Variants in JAKMIP1 observed in about 807,000 individuals in gnomAD.
JAKMIP1 encodes janus kinase and microtubule-interacting protein 1.
In JAKMIP1, 33 loss-of-function variants were observed where a neutral mutation model predicts 113.0. That is an observed-to-expected ratio of 0.29 (90% confidence interval 0.22 to 0.39). JAKMIP1 has a LOEUF of 0.39. JAKMIP1 is among the 10% of genes least tolerant of loss of function. The probability of loss-of-function intolerance (pLI) is 1.00; values close to 1 mark genes in which losing one functional copy is unlikely to be tolerated. For synonymous variants in JAKMIP1, 480 were observed against 459.9 expected (o/e 1.04, Z -0.56); for missense variants, 813 against 1,080.5 (o/e 0.75, Z 3.47).
intron 19 of JAKMIP1, among the ~76,000 whole-genome samples, chr4:6,035,418 G>C (rs1437180326): frequency 6.6e-6 from 1 of 152,100 alleles, no homozygotes; most frequent in Non-Finnish European, 1.5e-5. Flanking sequence ...TCAATCAGGA[G>C]TCATGAAGCC....
Position 6,112,966 on chromosome 4 carries a change from G to A in JAKMIP1, c.-116C>T, listed in dbSNP as rs561791375. 9.2e-5 allele frequency: 126 copies of A among 1,376,596 alleles called. No individual in the cohort carries two copies. Among genetic ancestry groups the A allele is most frequent in the African/African-American group, 1.2e-4 (8 of 68,548 alleles). The allele number at this position is 1,376,596 out of a possible 1,614,324, so 85.3% of individuals were successfully genotyped here. On this transcript the variant is annotated 5_prime_UTR_variant, in exon 2 of 21. Transcript: ENST00000409021. ...TAACCAGTCGCGCAGGACTCAGCTC[G>A]CCCTCCGAGGAAACCACCATCACTT...
chr4:6,148,461 T>C (rs1721132910), intron 1 of JAKMIP1, among the ~76,000 whole-genome samples: 1 of 152,258 alleles, frequency 6.6e-6, no homozygotes, highest in Non-Finnish European at 1.5e-5. Context: ...CCACAGTCCT[T>C]CGAGATACAC....
At chr4:6,190,590 C>T (rs1727149673) in intron 1 of JAKMIP1, among the ~76,000 whole-genome samples, 1 of 152,222 alleles carries the variant, frequency 6.6e-6, no homozygotes, top group Non-Finnish European at 1.5e-5. Flanking sequence ...GGAAGGTCTG[C>T]TGAGCACACC....
intron 19 of JAKMIP1, among the ~76,000 whole-genome samples, chr4:6,035,688 C>T (rs1004394021): frequency 1.5e-4 from 23 of 152,230 alleles, no homozygotes; most frequent in Non-Finnish European, 2.2e-4. Flanking sequence ...AATGTTTCAG[C>T]GTTTGCTCTT....
chr4:6,166,568 C>T (rs927360922), intron 1 of JAKMIP1, among the ~76,000 whole-genome samples: 21 of 152,226 alleles, frequency 1.4e-4, no homozygotes, highest in African/African-American at 4.3e-4. Flanking sequence ...CCTGCAGCCG[C>T]GCTGAAATCT....
rs979663760 is a variant in JAKMIP1 at position 6,157,329 on chromosome 4, G to T, written c.-148+42924C>A. The stretch of plus-strand genomic sequence containing the variant: ...CAGGTTACTCCCTCTGCAAAAAGGC[G>T]CACGGGATGGGAAGCTGGCGCACAA... On this transcript the variant is annotated intron_variant, in intron 1 of 20. Coordinates refer to ENST00000409021, the MANE Select transcript of JAKMIP1 (RefSeq NM_001099433.2). The surrounding 1 kb of genome is among the most constrained non-coding windows in gnomAD (Gnocchi z 4.7). Among the ~76,000 whole-genome samples the T allele has an allele frequency of 2.6e-5, 4 of 152,152 alleles. No homozygotes were observed. The East Asian group carries it at 7.7e-4, about 29-fold the overall frequency.
chr4:6,045,857 G>C (rs953891518), intron 16 of JAKMIP1, among the ~76,000 whole-genome samples: 1 of 152,068 alleles, frequency 6.6e-6, no homozygotes, highest in Non-Finnish European at 1.5e-5. Context: ...GTGACAGAGT[G>C]AGACTCTGTC....
chr4:6,149,461 G>A (rs1721292028), intron 1 of JAKMIP1, among the ~76,000 whole-genome samples: 1 of 152,152 alleles, frequency 6.6e-6, no homozygotes, highest in South Asian at 2.1e-4. Flanking sequence ...GAGTCCCAGT[G>A]AAATCTAGGG....
chr4:6,139,081 CACATAT>C lies in JAKMIP1; in HGVS notation c.-147-26090_-147-26085del, dbSNP rs1422505963. On this transcript the variant is annotated intron_variant, in intron 1 of 20. Coordinates refer to ENST00000409021, the MANE Select transcript of JAKMIP1 (RefSeq NM_001099433.2). The surrounding 1 kb of genome is among the most constrained non-coding windows in gnomAD (Gnocchi z 5.2). ...ACACACACACACACACACACACACACACATATACACACACACACACACACCAGCAGG... is the reference window on the plus strand; with the variant it reads ...ACACACACACACACACACACACACACACACACACACACACACACCAGCAGG... Among the ~76,000 whole-genome samples the C allele has an allele frequency of 1.4e-3, 54 of 37,528 alleles. No individual in the cohort carries two copies. Among genetic ancestry groups the C allele is most frequent in the East Asian group, 2.4e-3 (2 of 834 alleles). The allele number at this position is 37,528 out of a possible 152,430, so 24.6% of individuals were successfully genotyped here. A position where few individuals can be genotyped will look rare whatever the true frequency, so the allele number is the denominator to read the frequency against.
chr4:6,111,954 C>T (rs1002384783), intron 2 of JAKMIP1, among the ~76,000 whole-genome samples: 1 of 152,202 alleles, frequency 6.6e-6, no homozygotes, highest in Non-Finnish European at 1.5e-5. Context: ...ACCATCTGAA[C>T]GGATCCCTCC....
At position 6,071,344 on chromosome 4, in the gene JAKMIP1, T is replaced by C. The variant is rs145108025; in HGVS notation, c.1303-6336A>G. ...GGGCCTGGCCCCAGGCAGTGCAGAC[T>C]TGAGACAGAGGGGCCTGGAGGGGCG... On this transcript the variant is annotated intron_variant, in intron 8 of 20. Transcript: ENST00000409021. 5.1e-4 allele frequency among the ~76,000 whole-genome samples: 77 copies of C among 152,052 alleles called. 1 individual carries two copies. The highest frequency in any genetic ancestry group is 8.7e-4 in the Non-Finnish European group (59 of 67,956).
At position 6,089,008 on chromosome 4, in the gene JAKMIP1, C is replaced by G. The variant is rs140036838; in HGVS notation, c.625-3379G>C. On this transcript the variant is annotated intron_variant, in intron 3 of 20. Transcript: ENST00000409021. The surrounding 1 kb of genome is among the most constrained non-coding windows in gnomAD (Gnocchi z 5.3). ...AGTAATTGCTTCAGGGATGGATGCACAATCCAATCAGAACCAATGGCCAGA... is the reference window on the plus strand; with the variant it reads ...AGTAATTGCTTCAGGGATGGATGCAGAATCCAATCAGAACCAATGGCCAGA... Among the ~76,000 whole-genome samples the G allele has an allele frequency of 1.3e-5, 2 of 152,194 alleles. No individual in the cohort carries two copies. Among genetic ancestry groups the G allele is most frequent in the African/African-American group, 2.4e-5 (1 of 41,450 alleles).
intron 1 of JAKMIP1, among the ~76,000 whole-genome samples, chr4:6,122,780 C>G (rs546052879): frequency 6.6e-6 from 1 of 152,270 alleles, no homozygotes; most frequent in East Asian, 1.9e-4. Context: ...AGCACGGGCT[C>G]AGGAGCCAGA....
At position 6,157,003 on chromosome 4, in the gene JAKMIP1, G is replaced by A. The variant is rs897531501; in HGVS notation, c.-148+43250C>T. On this transcript the variant is annotated intron_variant, in intron 1 of 20. Transcript: ENST00000409021. The surrounding 1 kb of genome is among the most constrained non-coding windows in gnomAD (Gnocchi z 4.7). ...CAGTGTAAAGAGGGGGGACCTTTAA[G>A]GGGTGATTGGGTCATGAGGGCTCTA... Among the ~76,000 whole-genome samples, 1 of 152,206 alleles carries A rather than the reference G, an allele frequency of 6.6e-6. No individual in the cohort carries two copies. The highest frequency in any genetic ancestry group is 6.5e-5 in the Admixed American group (1 of 15,286).
Position 6,050,323 on chromosome 4 carries a change from G to A in JAKMIP1, c.1908+255C>T, listed in dbSNP as rs1283644049. ...TAGCGAAGAGGCTAAGGCTCTGAAA[G>A]TTTACAGGCCAGAGCAGTGGTGGAA... is the stretch of plus-strand genomic sequence containing the variant. On this transcript the variant is annotated intron_variant, in intron 14 of 20. Transcript: ENST00000409021. This position sits in a 1 kb window ranked among gnomAD's most constrained non-coding sequence, Gnocchi z 7.4. Among the ~76,000 whole-genome samples, 1 of 152,226 alleles carries A rather than the reference G, an allele frequency of 6.6e-6. No individual in the cohort carries two copies. The highest frequency in any genetic ancestry group is 2.4e-5 in the African/African-American group (1 of 41,452).
At position 6,154,094 on chromosome 4, in the gene JAKMIP1, T is replaced by C. The variant is rs2108989946; in HGVS notation, c.-147-41097A>G. Among the ~76,000 whole-genome samples, 1 of 152,314 alleles carries C rather than the reference T, an allele frequency of 6.6e-6. No individual in the cohort carries two copies. Among genetic ancestry groups the C allele is most frequent in the South Asian group, 2.1e-4 (1 of 4,828 alleles). On this transcript the variant is annotated intron_variant, in intron 1 of 20. Coordinates refer to ENST00000409021, the MANE Select transcript of JAKMIP1 (RefSeq NM_001099433.2). The surrounding 1 kb of genome is among the most constrained non-coding windows in gnomAD (Gnocchi z 4.2). The stretch of plus-strand genomic sequence containing the variant: ...CCATGCCTGGCTGACTGCATCCTGC[T>C]GCCTATGGTGAGAAGGCACAGGCTT...
At chr4:6,095,091 GGAGGAAGGGGAGAGA>G (rs1415270841) in intron 3 of JAKMIP1, among the ~76,000 whole-genome samples, 1 of 141,632 alleles carries the variant, frequency 7.1e-6, no homozygotes, top group African/African-American at 2.6e-5. Flanking sequence ...AGTGGGGGAG[GGAGGAAGGGGAGAGA>G]GAGGAAGGGA....
rs1726684170 is a variant in JAKMIP1, at chr4:6,186,643, T to C, written c.-148+13610A>G. Among the ~76,000 whole-genome samples the C allele has an allele frequency of 6.6e-6, 1 of 152,212 alleles. No homozygotes were observed. Among genetic ancestry groups the C allele is most frequent in the African/African-American group, 2.4e-5 (1 of 41,454 alleles). Reference sequence around the variant, plus strand: ...CATGGGCACTAGAGAAGAATATTTATTCTGATGTCCTTGGTCTAGTGTTCT... The same window carrying C: ...CATGGGCACTAGAGAAGAATATTTACTCTGATGTCCTTGGTCTAGTGTTCT... On this transcript the variant is annotated intron_variant, in intron 1 of 20. Coordinates refer to ENST00000409021, the MANE Select transcript of JAKMIP1 (RefSeq NM_001099433.2). This position sits in a 1 kb window ranked among gnomAD's most constrained non-coding sequence, Gnocchi z 5.5.
chr4:6,084,778 T>C (rs574334842), intron 5 of JAKMIP1, 68 bp downstream of exon 5: 7 of 1,498,778 alleles, frequency 4.7e-6, no homozygotes, highest in Non-Finnish European at 6.3e-6. Flanking sequence ...GTGCAGGGCA[T>C]GTTTCAGGGA....
Sources: gnomAD v4.1 joint callset for allele counts (sites outside exome capture counted in the v4.1 genomes callset) on GRCh38, gnomAD v4.1.1 for gene constraint, Gnocchi (gnomAD v3.1) non-coding constraint, MANE v1.5 for transcripts, NCBI Gene and HGNC (gene_info 2026-07-23, HGNC 2026-07-21) for gene names.